Variants in PARP9 observed in about 807,000 individuals in gnomAD.
PARP9 encodes the protein protein mono-ADP-ribosyltransferase PARP9.
In PARP9, 48 loss-of-function variants were observed where a neutral mutation model predicts 68.8. The ratio of observed to expected loss-of-function variants is 0.70; its 90% CI spans 0.55 to 0.89. The LOEUF (loss-of-function observed/expected upper bound fraction) is 0.89, where lower values mean the gene tolerates loss of function less well. PARP9 is among the 40% of genes least tolerant of loss of function. The probability of loss-of-function intolerance (pLI) is 0.00; values close to 1 mark genes in which losing one functional copy is unlikely to be tolerated. For missense variants in PARP9, 806 were observed against 969.3 expected, an observed-to-expected ratio of 0.83 and a Z score of 2.24; for synonymous variants, 309 against 333.8, an observed-to-expected ratio of 0.93 and a Z score of 0.81.
chr3:122,539,512 T>C (rs1042706415), intron 8 of PARP9, among the ~76,000 whole-genome samples: 8 of 17,368 alleles, frequency 4.6e-4, no homozygotes, highest in South Asian at 3.7e-3. Flanking sequence ...ATGGCATTTC[T>C]TTCTTTCTTT....
chr3:122,560,675 C>T (rs1315763615), intron 1 of PARP9, among the ~76,000 whole-genome samples: 2 of 152,144 alleles, frequency 1.3e-5, no homozygotes, highest in Non-Finnish European at 2.9e-5. Context: ...CGTGAGCGAC[C>T]GCGCCTGGTC....
At chr3:122,529,326 C>G (rs2077138479) in intron 10 of PARP9, among the ~76,000 whole-genome samples, 1 of 148,548 alleles carries the variant, frequency 6.7e-6, no homozygotes, top group South Asian at 2.2e-4. Flanking sequence ...ATTAAATTAT[C>G]TGTGATTTGG....
chr3:122,541,199 G>A (rs1015976558), intron 7 of PARP9, among the ~76,000 whole-genome samples: 1 of 152,180 alleles, frequency 6.6e-6, no homozygotes, highest in African/African-American at 2.4e-5. Context: ...CGACTAGTGG[G>A]TTTTAAAACA....
Position 122,528,282 on chromosome 3 carries a change from C to A in PARP9, c.*82G>T. The A allele has an allele frequency of 6.6e-7, 1 of 1,517,030 alleles. No individual in the cohort carries two copies. The highest frequency in any genetic ancestry group is 8.9e-7 in the Non-Finnish European group (1 of 1,120,990). The allele number at this position is 1,517,030 out of a possible 1,614,324, so 94.0% of individuals were successfully genotyped here. ...AGATAACCCATGGGATATATTCAAG[C>A]CACTCTTTGAGCCATCGATGGTCAT... On this transcript the variant is annotated 3_prime_UTR_variant, in exon 11 of 11. Transcript: ENST00000682323.
At chr3:122,536,508 C>T (rs577444752) in intron 9 of PARP9, 166 bp from the exon 10 acceptor site, 55 of 1,263,568 alleles carry the variant, frequency 4.4e-5, no homozygotes, top group Admixed American at 1.2e-4. Context: ...CTCTAATCCT[C>T]TCCTATTTTG....
At chr3:122,538,692 A>ACT (rs1553714230) in intron 8 of PARP9, among the ~76,000 whole-genome samples, 121 of 145,896 alleles carry the variant, frequency 8.3e-4, no homozygotes, top group African/African-American at 2.9e-3. Context: ...ACACACACAC[A>ACT]CTCTAACAAA....
chr3:122,550,037 GA>G (rs372284253), intron 6 of PARP9, among the ~76,000 whole-genome samples: 162 of 152,310 alleles, frequency 1.1e-3, no homozygotes, highest in African/African-American at 3.7e-3. Flanking sequence ...AGAAAAGACA[GA>G]AGCTAGGTAG....
At chr3:122,560,033 G>A (rs1041441470) in intron 1 of PARP9, among the ~76,000 whole-genome samples, 2 of 152,086 alleles carry the variant, frequency 1.3e-5, no homozygotes, top group Non-Finnish European at 2.9e-5. Flanking sequence ...AGAAGAAGAG[G>A]GTGATAACAA....
At chr3:122,539,563 C>CTTTCTTTCTTTCTTTCTTTCTTTCT in intron 8 of PARP9, among the ~76,000 whole-genome samples, 1 of 80,544 alleles carries the variant, frequency 1.2e-5, no homozygotes, top group East Asian at 4.5e-4. Flanking sequence ...TTCTTTCTTT[C>CTTTCTTTCTTTCTTTCTTTCTTTCT]TTTCTTTTTT....
rs2080004034 is a variant in PARP9, at chr3:122,559,499, A to T, written c.15+107T>A. 44 of 1,103,338 alleles carry T rather than the reference A, an allele frequency of 4.0e-5. 1 individual carries two copies. The South Asian group carries it at 9.6e-4, about 24-fold the overall frequency. 68.3% of individuals were successfully genotyped at this position (1,103,338 alleles called of 1,614,324 possible). On this transcript the variant is annotated intron_variant, in intron 2 of 10. Coordinates refer to ENST00000682323, the MANE Select transcript of PARP9 (RefSeq NM_001146105.2). ...AACTTTATTGAGCTATTAAAAGCAG[A>T]TGAGGATGTCAACTGTTGGTGAACA...
At chr3:122,539,488 C>A (rs1380445486) in intron 8 of PARP9, among the ~76,000 whole-genome samples, 3 of 149,288 alleles carry the variant, frequency 2.0e-5, no homozygotes, top group Non-Finnish European at 3.0e-5. Context: ...CTATCTCTAT[C>A]TCTATCTCCC....
intron 5 of PARP9, 127 bp downstream of exon 5, chr3:122,552,290 TA>T: frequency 1.4e-6 from 1 of 693,198 alleles, no homozygotes. Flanking sequence ...GCAGGTGTGC[TA>T]AAAATTGAGA....
chr3:122,553,330 T>C (rs1236992869), intron 4 of PARP9, among the ~76,000 whole-genome samples: 7 of 152,178 alleles, frequency 4.6e-5, no homozygotes, highest in African/African-American at 1.7e-4. Context: ...CTAAAAATGA[T>C]AGTGTCCTTC....
chr3:122,534,434 G>A (rs1245976491), intron 10 of PARP9: 1 of 985,400 alleles, frequency 1.0e-6, no homozygotes, highest in East Asian at 1.1e-4. Context: ...TACCTGTTCG[G>A]CAGCATGTAG....
At position 122,556,140 on chromosome 3, in the gene PARP9, T is replaced by TAAAAAAAA; in HGVS notation, c.50-20_50-19insTTTTTTTT. 1 of 92,804 alleles carries TAAAAAAAA rather than the reference T, an allele frequency of 1.1e-5. No individual in the cohort carries two copies. The highest frequency in any genetic ancestry group is 1.7e-5 in the Non-Finnish European group (1 of 57,594). The allele number at this position is 92,804 out of a possible 1,614,324, so 5.7% of individuals were successfully genotyped here. The stretch of plus-strand genomic sequence containing the variant: ...CCAGTCTCTGGAAAAGAAGAGAAGA[T>TAAAAAAAA]TAAAAAAAAAAAAAAAAAAAAAAAA... On this transcript the variant is annotated intron_variant, in intron 3 of 10. Coordinates refer to ENST00000682323, the MANE Select transcript of PARP9 (RefSeq NM_001146105.2).
chr3:122,553,786 T>C (rs1338842638), intron 4 of PARP9, among the ~76,000 whole-genome samples: 1 of 152,194 alleles, frequency 6.6e-6, no homozygotes, highest in Admixed American at 6.5e-5. Context: ...CTTATATTCA[T>C]TCTCACCCTC....
Position 122,550,672 on chromosome 3 carries a change from T to C in PARP9, c.1238A>G (p.Asp413Gly), listed in dbSNP as rs758982622. 4 of 1,614,150 alleles carry C rather than the reference T, an allele frequency of 2.5e-6. No homozygotes were observed. Among genetic ancestry groups the C allele is most frequent in the South Asian group, 2.2e-5 (2 of 91,076 alleles). The change falls in exon 6 of 11, where the codon GAT becomes GGT. Residue 413 changes from aspartate (D) to glycine (G), a missense_variant. Physicochemically the swap from Asp to Gly is moderately conservative, Grantham distance 94. This residue lies in a region of PARP9 where 680 missense variants were observed against 858.8 expected (regional missense o/e 0.79). Transcript: ENST00000682323. ...GTCTTTGGCAAATGTTAAAACTTCA[T>C]CAAACAAAATCTCTGCTGCTGTTTC... The part of the protein sequence containing the change: ...KKETAAEILF[D>G]EVLTFAKDHV...
intron 8 of PARP9, among the ~76,000 whole-genome samples, chr3:122,539,557 TTCTTTC>T (rs2077996124): frequency 7.3e-6 from 1 of 137,248 alleles, no homozygotes; most frequent in South Asian, 2.3e-4. Context: ...CTTTCTTTCT[TTCTTTC>T]TTTCTTTTTT....
intron 6 of PARP9, among the ~76,000 whole-genome samples, chr3:122,550,202 C>T (rs982706303): frequency 6.6e-6 from 1 of 152,312 alleles, no homozygotes; most frequent in East Asian, 1.9e-4. Context: ...GCCTCAGCCT[C>T]CCTAGTAGCT....
Sources: gnomAD v4.1 joint callset for allele counts (sites outside exome capture counted in the v4.1 genomes callset) on GRCh38, gnomAD v4.1.1 for gene constraint, gnomAD v4.1.1 regional missense constraint, MANE v1.5 for transcripts, NCBI Gene and HGNC (gene_info 2026-07-23, HGNC 2026-07-21) for gene names.